NINJ2: variants seen among roughly 807,000 people sequenced by gnomAD.
The protein encoded by NINJ2 is ninjurin-2.
A neutral mutation model predicts 11.7 loss-of-function variants in NINJ2; 12 were observed. That is an observed-to-expected ratio of 1.02 (90% confidence interval 0.66 to 1.66). The LOEUF is 1.66. Among genes scored for constraint, NINJ2 ranks in the 40% most tolerant of loss-of-function variants. The pLI, the probability that NINJ2 is intolerant of heterozygous loss-of-function variation, is 0.00. For missense variants in NINJ2, 187 were observed against 181.8 expected, an observed-to-expected ratio of 1.03 and a Z score of -0.16; for synonymous variants, 93 against 76.8, an observed-to-expected ratio of 1.21 and a Z score of -1.10.
At chr12:637,186 TA>T (rs1377913755) in intron 1 of NINJ2, among the ~76,000 whole-genome samples, 1 of 150,078 alleles carries the variant, frequency 6.7e-6, no homozygotes, top group African/African-American at 2.5e-5. Flanking sequence ...CCGTCTCTAC[TA>T]AAAATACAAA....
intron 1 of NINJ2, among the ~76,000 whole-genome samples, chr12:627,082 C>T (rs1333855731): frequency 6.6e-6 from 1 of 151,866 alleles, no homozygotes; most frequent in Non-Finnish European, 1.5e-5. Flanking sequence ...CAGACCCCAT[C>T]TCAAAAAAAA....
intron 1 of NINJ2, among the ~76,000 whole-genome samples, chr12:658,651 CTA>C (rs1937908043): frequency 9.4e-4 from 1 of 1,066 alleles, no homozygotes. Context: ...CTCTATTATG[CTA>C]TGCTATGCTA....
rs746643318 is a variant in NINJ2 at position 565,445 on chromosome 12, A to G, written c.263-44T>C. ...GGGGGAAAGGGTCAGAGACGGGGCC[A>G]CAGCACGGAGCTGCCCCCACAACAC... is the stretch of plus-strand genomic sequence containing the variant. On this transcript the variant is annotated intron_variant, in intron 2 of 3. Coordinates refer to ENST00000305108, the MANE Select transcript of NINJ2 (RefSeq NM_016533.6). 3.1e-6 allele frequency: 5 copies of G among 1,593,870 alleles called. No homozygotes were observed. In the African/African-American group the frequency reaches 4.0e-5, roughly 13 times the overall value.
intron 1 of NINJ2, among the ~76,000 whole-genome samples, chr12:598,980 G>A (rs545906306): frequency 3.3e-5 from 5 of 152,078 alleles, no homozygotes; most frequent in African/African-American, 9.6e-5. Context: ...GATTACAGGC[G>A]TGAGTCACTG....
At chr12:600,910 A>T (rs544398033) in intron 1 of NINJ2, among the ~76,000 whole-genome samples, 5 of 152,264 alleles carry the variant, frequency 3.3e-5, no homozygotes, top group African/African-American at 9.6e-5. Context: ...ATGTAATTTA[A>T]AAAAATCAAT....
intron 1 of NINJ2, among the ~76,000 whole-genome samples, chr12:575,367 C>T (rs890816692): frequency 2.6e-5 from 4 of 152,178 alleles, no homozygotes; most frequent in East Asian, 1.9e-4. Flanking sequence ...GATGCTCAGA[C>T]GTGCAGGGCC....
chr12:651,419 C>T (rs941150310), intron 1 of NINJ2, among the ~76,000 whole-genome samples: 1 of 152,138 alleles, frequency 6.6e-6, no homozygotes, highest in African/African-American at 2.4e-5. Flanking sequence ...ATGTTCAGTC[C>T]AGAGGCATGG....
chr12:609,770 C>CAAAAAAAAAAA lies in NINJ2; in HGVS notation c.34-43603_34-43593dup, dbSNP rs1185755822. Among the ~76,000 whole-genome samples, 64 of 88,792 alleles carry CAAAAAAAAAAA rather than the reference C, an allele frequency of 7.2e-4. 2 individuals carry two copies. The highest frequency in any genetic ancestry group is 1.1e-3 in the East Asian group (3 of 2,644). 58.3% of individuals were successfully genotyped at this position (88,792 alleles called of 152,430 possible). Reference sequence around the variant, plus strand: ...TGGGCAACAGAGTGAGACTCTGCCTCAAAAAAAAAAAAAAAAATAGGGAAA... The same window carrying CAAAAAAAAAAA: ...TGGGCAACAGAGTGAGACTCTGCCTCAAAAAAAAAAAAAAAAAAAAAAAAAAAATAGGGAAA... On this transcript the variant is annotated intron_variant, in intron 1 of 3. Coordinates refer to ENST00000305108, the MANE Select transcript of NINJ2 (RefSeq NM_016533.6).
intron 1 of NINJ2, chr12:644,878 G>C (rs943174445): frequency 2.6e-5 from 4 of 152,192 alleles, no homozygotes; most frequent in Non-Finnish European, 4.4e-5. Context: ...CCTGGCCCCA[G>C]TGGGTTTGGA....
At chr12:599,769 C>T (rs1947842460) in intron 1 of NINJ2, among the ~76,000 whole-genome samples, 1 of 152,192 alleles carries the variant, frequency 6.6e-6, no homozygotes, top group East Asian at 1.9e-4. Context: ...TGGCCTACTG[C>T]CTCTCCTCCT....
In NINJ2 at chr12:580,705, G is replaced by A. The variant is rs576785493; in HGVS notation, c.34-14527C>T. ...ATGAACCTCTTCTGTGGCACCTTCTGGGGGTGCCTGCCAATGGCTATAGTA... is the reference window on the plus strand; with the variant it reads ...ATGAACCTCTTCTGTGGCACCTTCTAGGGGTGCCTGCCAATGGCTATAGTA... On this transcript the variant is annotated intron_variant, in intron 1 of 3. Transcript: ENST00000305108. The surrounding 1 kb of genome is among the most constrained non-coding windows in gnomAD (Gnocchi z 4.7). 1.3e-5 allele frequency among the ~76,000 whole-genome samples: 2 copies of A among 152,304 alleles called. No individual in the cohort carries two copies. The highest frequency in any genetic ancestry group is 2.1e-4 in the South Asian group (1 of 4,816).
chr12:652,206 A>G (rs1377952874), intron 1 of NINJ2, among the ~76,000 whole-genome samples: 18 of 152,214 alleles, frequency 1.2e-4, no homozygotes, highest in Admixed American at 1.2e-3. Context: ...ATTGAAGAAC[A>G]AAGATAAGAA....
chr12:649,711 T>C (rs1781510443), intron 1 of NINJ2, among the ~76,000 whole-genome samples: 1 of 151,818 alleles, frequency 6.6e-6, no homozygotes, highest in African/African-American at 2.4e-5. Flanking sequence ...CAGATGAAAA[T>C]AAATCATTCA....
At chr12:598,132 C>A (rs990073454) in intron 1 of NINJ2, among the ~76,000 whole-genome samples, 10 of 152,314 alleles carry the variant, frequency 6.6e-5, no homozygotes, top group African/African-American at 2.4e-4. Context: ...CTCACTCACA[C>A]AATCGTGTAT....
intron 1 of NINJ2, among the ~76,000 whole-genome samples, chr12:571,647 C>T (rs185223943): frequency 1.3e-5 from 2 of 152,380 alleles, no homozygotes; most frequent in African/African-American, 4.8e-5. Context: ...ATTGTTCTGC[C>T]AGACAGCCCT....
intron 1 of NINJ2, among the ~76,000 whole-genome samples, chr12:625,263 T>C (rs1013641490): frequency 6.6e-6 from 1 of 152,142 alleles, no homozygotes. Flanking sequence ...AGGAATGGTA[T>C]GCCAAGAGCC....
intron 1 of NINJ2, among the ~76,000 whole-genome samples, chr12:579,465 G>T (rs758263927): frequency 2.0e-5 from 3 of 151,892 alleles, no homozygotes; most frequent in Non-Finnish European, 2.9e-5. Context: ...AGAAAGTTAA[G>T]CTTGGACATG....
chr12:631,144 C>A (rs564781304), intron 1 of NINJ2, among the ~76,000 whole-genome samples: 6 of 152,162 alleles, frequency 3.9e-5, no homozygotes, highest in Non-Finnish European at 7.4e-5. Flanking sequence ...AGGCACTGAG[C>A]ACTGTGCTCA....
At chr12:646,188 C>T (rs1468802230) in intron 1 of NINJ2, among the ~76,000 whole-genome samples, 1 of 152,164 alleles carries the variant, frequency 6.6e-6, no homozygotes, top group Non-Finnish European at 1.5e-5. Context: ...CCTTGTCTAC[C>T]CTGTGCTCCC....
Sources: allele counts gnomAD v4.1 joint callset (sites outside exome capture counted in the v4.1 genomes callset), GRCh38; gene constraint gnomAD v4.1.1; non-coding constraint Gnocchi (gnomAD v3.1); transcripts MANE v1.5; gene names NCBI Gene and HGNC (gene_info 2026-07-23, HGNC 2026-07-21).